TMEM145: variants seen among roughly 807,000 people sequenced by gnomAD.
TMEM145 encodes transmembrane protein 145.
In TMEM145, 46 loss-of-function variants were observed where a neutral mutation model predicts 68.5. The observed-to-expected ratio is 0.67, with a 90% confidence interval of 0.53 to 0.86. TMEM145 has a LOEUF of 0.86. Ranked by LOEUF, TMEM145 falls within the 40% of genes least tolerant of loss-of-function variation. The pLI, the probability that TMEM145 is intolerant of heterozygous loss-of-function variation, is 0.00. For missense variants in TMEM145, 570 were observed against 645.8 expected, an observed-to-expected ratio of 0.88 and a Z score of 1.27; for synonymous variants, 255 against 280.2, an observed-to-expected ratio of 0.91 and a Z score of 0.90.
intron 12 of TMEM145, among the ~76,000 whole-genome samples, chr19:42,318,091 G>A (rs1458104558): frequency 2.6e-5 from 4 of 152,220 alleles, no homozygotes; most frequent in Non-Finnish European, 5.9e-5. Context: ...GATCTCGCCA[G>A]GCGTGGTGGC....
At chr19:42,315,604 C>T (rs551756594) in intron 8 of TMEM145, among the ~76,000 whole-genome samples, 164 bp downstream of exon 8, 4 of 135,596 alleles carry the variant, frequency 2.9e-5, no homozygotes, top group South Asian at 2.4e-4. Context: ...CTGGGGGCTT[C>T]GACTCCTGGG....
rs2038834071 is a variant in TMEM145, at chr19:42,314,435, C to T, written c.196-16C>T. 6.2e-7 allele frequency: 1 copy of T among 1,614,058 alleles called. No homozygotes were observed. Among genetic ancestry groups the T allele is most frequent in the South Asian group, 1.1e-5 (1 of 91,088 alleles). The stretch of plus-strand genomic sequence containing the variant: ...GGCTGCCCCAGCTCCCGGTCCCCAA[C>T]ATCTCTGGTCTGCAGGCCAAGTGCT... On this transcript the variant is annotated splice_polypyrimidine_tract_variant and intron_variant, in intron 2 of 14. Coordinates refer to ENST00000301204, the MANE Select transcript of TMEM145 (RefSeq NM_173633.3).
intron 11 of TMEM145, 127 bp downstream of exon 11, chr19:42,317,090 G>A (rs1347744945): frequency 1.3e-6 from 1 of 763,974 alleles, no homozygotes; most frequent in Non-Finnish European, 2.2e-6. Flanking sequence ...CCCACTCTTC[G>A]ATTTTCTGCT....
Position 42,316,855 on chromosome 19 carries a change from A to G in TMEM145, c.807-15A>G. The G allele has an allele frequency of 6.2e-7, 1 of 1,612,790 alleles. No individual in the cohort carries two copies. The highest frequency in any genetic ancestry group is 8.5e-7 in the Non-Finnish European group (1 of 1,179,810). On this transcript the variant is annotated splice_polypyrimidine_tract_variant and intron_variant, in intron 10 of 14. Transcript: ENST00000301204. ...GGCCCCCACCCTGCTGTCTCCCCTC[A>G]TGGCCTGCTGCCAGGGGCCGCATCA...
chr19:42,324,281 G>A (rs2038946028), intron 14 of TMEM145: 1 of 985,124 alleles, frequency 1.0e-6, no homozygotes, highest in East Asian at 1.1e-4. Context: ...CTCCCAGGCC[G>A]GGAAGCAGGT....
intron 2 of TMEM145, 35 bp downstream of exon 2, chr19:42,314,381 G>C: frequency 1.9e-6 from 3 of 1,614,008 alleles, no homozygotes; most frequent in Non-Finnish European, 2.5e-6. Context: ...TGCTGAGGCT[G>C]GGTACTTCCC....
intron 12 of TMEM145, 141 bp from the exon 13 acceptor site, chr19:42,320,176 G>T: frequency 8.7e-7 from 1 of 1,155,582 alleles, no homozygotes; most frequent in Non-Finnish European, 1.3e-6. Context: ...TTCAGTCTCT[G>T]GCTTCTGAAG....
Position 42,323,565 on chromosome 19 carries a change from T to C in TMEM145, c.1195-18T>C. On this transcript the variant is annotated intron_variant, in intron 13 of 14. Transcript: ENST00000301204. ...GCCTGACAGTGCCTCTCACACCTGCTCCTGGCCCTGGCCTCAGATCATGAC... is the reference window on the plus strand; with the variant it reads ...GCCTGACAGTGCCTCTCACACCTGCCCCTGGCCCTGGCCTCAGATCATGAC... 1 of 1,612,980 alleles carries C rather than the reference T, an allele frequency of 6.2e-7. No homozygotes were observed. Among genetic ancestry groups the C allele is most frequent in the Middle Eastern group, 1.7e-4 (1 of 6,058 alleles).
intron 12 of TMEM145, among the ~76,000 whole-genome samples, chr19:42,319,224 G>C (rs1431923850): frequency 2.6e-5 from 4 of 152,180 alleles, no homozygotes; most frequent in Non-Finnish European, 5.9e-5. Context: ...CAGCTCTAAA[G>C]CTTATAGATG....
At position 42,316,874 on chromosome 19, in the gene TMEM145, C is replaced by T. The variant is rs773791807; in HGVS notation, c.811C>T (p.Arg271Cys). The T allele has an allele frequency of 3.1e-5, 50 of 1,613,184 alleles. No individual in the cohort carries two copies. Among genetic ancestry groups the T allele is most frequent in the South Asian group, 4.4e-5 (4 of 91,080 alleles). Residue 271 changes from arginine (R) to cysteine (C), a missense_variant, in exon 11 of 15, where the codon CGC (arginine) becomes TGC (cysteine). Physicochemically the swap from Arg to Cys is radical, Grantham distance 180 (BLOSUM62 -3). Coordinates refer to ENST00000301204, the MANE Select transcript of TMEM145 (RefSeq NM_173633.3). ...CCCCTCATGGCCTGCTGCCAGGGGC[C>T]GCATCAGCCACGCGGGCTCCGTGAA... ...LGKGFTVTRG[R>C]ISHAGSVKLS...
In TMEM145 at chr19:42,324,342, C is replaced by T. The variant is rs899483285; in HGVS notation, c.1402-395C>T. On this transcript the variant is annotated intron_variant, in intron 14 of 14. Coordinates refer to ENST00000301204, the MANE Select transcript of TMEM145 (RefSeq NM_173633.3). The stretch of plus-strand genomic sequence containing the variant: ...GTGGCCCCGAGGGGCCGCGTGGTGA[C>T]CATGGCCGAGCCGGGCGCAGCCTCC... 9.1e-6 allele frequency: 9 copies of T among 985,038 alleles called. No individual in the cohort carries two copies. The East Asian group carries it at 6.8e-4, about 75-fold the overall frequency. 61.0% of individuals were successfully genotyped at this position (985,038 alleles called of 1,614,324 possible).
Position 42,315,220 on chromosome 19 carries a change from A to C in TMEM145, c.538A>C (p.Ile180Leu). 1 of 1,607,284 alleles carries C rather than the reference A, an allele frequency of 6.2e-7. No homozygotes were observed. The highest frequency in any genetic ancestry group is 8.5e-7 in the Non-Finnish European group (1 of 1,175,554). ...GGAGACAGATGTGACCTTCCTCCTC[A>C]TCTTCATCCTCATCTTCTTCCTCTC... is the stretch of plus-strand genomic sequence containing the variant. The part of the protein sequence containing the change: ...ILETDVTFLL[I>L]FILIFFLSCY... Residue 180 changes from isoleucine (I) to leucine (L), a missense_variant, in exon 7 of 15, where the codon ATC (isoleucine) becomes CTC (leucine). Physicochemically the swap from Ile to Leu is conservative, Grantham distance 5. Transcript: ENST00000301204.
rs2038932633 is a variant in TMEM145, at chr19:42,323,651, A to G, written c.1263A>G (p.Ser421=). The change falls in exon 14 of 15, where the codon TCA becomes TCG. Residue 421 remains serine (S), a synonymous_variant. Transcript: ENST00000301204. Reference sequence around the variant, plus strand: ...ACGTGCGCACGTCGCAGATCGCTTCAGCCGGAGTCCCTGGACCCGGAGGGA... The same window carrying G: ...ACGTGCGCACGTCGCAGATCGCTTCGGCCGGAGTCCCTGGACCCGGAGGGA... ...PYHVRTSQIA[S]AGVPGPGGSQ... 6.2e-7 allele frequency: 1 copy of G among 1,614,070 alleles called. No individual in the cohort carries two copies. The highest frequency in any genetic ancestry group is 8.5e-7 in the Non-Finnish European group (1 of 1,180,026).
chr19:42,324,519 C>G (rs2038950230), intron 14 of TMEM145: 1 of 985,278 alleles, frequency 1.0e-6, no homozygotes. Context: ...ACTGCACCCC[C>G]GGTCTGAGCA....
At chr19:42,324,357 G>T (rs2038947432) in intron 14 of TMEM145, 1 of 985,050 alleles carries the variant, frequency 1.0e-6, no homozygotes, top group African/African-American at 1.7e-5. Flanking sequence ...GCCGAGCCGG[G>T]CGCAGCCTCC....
At position 42,317,884 on chromosome 19, in the gene TMEM145, G is replaced by A. The variant is rs199982175; in HGVS notation, c.1073+3G>A. 8.3e-4 allele frequency: 1,336 copies of A among 1,614,112 alleles called. 1 individual carries two copies. Among genetic ancestry groups the A allele is most frequent in the Non-Finnish European group, 1.0e-3 (1,213 of 1,180,014 alleles). On this transcript the variant is annotated splice_donor_region_variant and intron_variant, in intron 12 of 14. Transcript: ENST00000301204. ...TTCTTTGCTGCCTATACCCTCTGGT[G>A]AGAATTGGTGGGCCCCAGCCTGTCC...
rs901485189 is a variant in TMEM145, at chr19:42,313,344, A to G, written c.-33A>G. 1.0e-5 allele frequency: 9 copies of G among 898,996 alleles called. No individual in the cohort carries two copies. In the African/African-American group the frequency reaches 1.4e-4, roughly 14 times the overall value. 55.7% of individuals were successfully genotyped at this position (898,996 alleles called of 1,614,324 possible). On this transcript the variant is annotated 5_prime_UTR_variant, in exon 1 of 15. Coordinates refer to ENST00000301204, the MANE Select transcript of TMEM145 (RefSeq NM_173633.3). The surrounding 1 kb of genome is among the most constrained non-coding windows in gnomAD (Gnocchi z 5.1). ...GCCTCCATTGCCGGGCCAGTGCGGG[A>G]GCCGGAGCGGAGCCGGGGCCGGAGC...
Position 42,317,889 on chromosome 19 carries a change from T to C in TMEM145, c.1073+8T>C, listed in dbSNP as rs1310090203. Reference sequence around the variant, plus strand: ...TGCTGCCTATACCCTCTGGTGAGAATTGGTGGGCCCCAGCCTGTCCCTGCC... The same window carrying C: ...TGCTGCCTATACCCTCTGGTGAGAACTGGTGGGCCCCAGCCTGTCCCTGCC... On this transcript the variant is annotated splice_region_variant and intron_variant, in intron 12 of 14. Coordinates refer to ENST00000301204, the MANE Select transcript of TMEM145 (RefSeq NM_173633.3). The C allele has an allele frequency of 3.7e-6, 6 of 1,613,884 alleles. No individual in the cohort carries two copies. The African/African-American group carries it at 4.0e-5, about 11-fold the overall frequency.
At chr19:42,315,512 G>A in intron 8 of TMEM145, 72 bp downstream of exon 8, 1 of 1,522,132 alleles carries the variant, frequency 6.6e-7, no homozygotes, top group Non-Finnish European at 9.1e-7. Flanking sequence ...GGGCCTAAGA[G>A]GAATGCCTGG....
Sources: allele counts gnomAD v4.1 joint callset (sites outside exome capture counted in the v4.1 genomes callset), GRCh38; gene constraint gnomAD v4.1.1; non-coding constraint Gnocchi (gnomAD v3.1); transcripts MANE v1.5; gene names NCBI Gene and HGNC (gene_info 2026-07-23, HGNC 2026-07-21).